ARHGEF12: variants seen among roughly 807,000 people sequenced by gnomAD.
The protein encoded by ARHGEF12 is KMT2A/ARHGEF12 fusion protein.
In ARHGEF12, 66 loss-of-function variants were observed where a neutral mutation model predicts 211.2. The observed-to-expected ratio is 0.31, with a 90% CI of 0.26 to 0.38. ARHGEF12 has a LOEUF of 0.38. Ranked by LOEUF, ARHGEF12 falls within the 10% of genes least tolerant of loss-of-function variation. ARHGEF12 has a pLI of 1.00. For synonymous variants in ARHGEF12, 592 were observed against 638.4 expected, an observed-to-expected ratio of 0.93 and a Z score of 1.09; for missense variants, 1,429 against 1,869.5, an observed-to-expected ratio of 0.76 and a Z score of 4.34.
chr11:120,343,719 G>C (rs1942607115), intron 1 of ARHGEF12, among the ~76,000 whole-genome samples: 1 of 152,174 alleles, frequency 6.6e-6, no homozygotes. Flanking sequence ...TGGACTGCAA[G>C]TAACAATTCA....
At chr11:120,430,844 T>G (rs1051464507) in intron 10 of ARHGEF12, among the ~76,000 whole-genome samples, 7 of 152,168 alleles carry the variant, frequency 4.6e-5, no homozygotes, top group Non-Finnish European at 1.0e-4. Flanking sequence ...GACATCCTGG[T>G]TTAGTGTACT....
intron 1 of ARHGEF12, among the ~76,000 whole-genome samples, chr11:120,361,279 G>C (rs1943267766): frequency 6.6e-6 from 1 of 152,234 alleles, no homozygotes; most frequent in Admixed American, 6.5e-5. Context: ...GGACGCATTA[G>C]ATTCTCATAG....
At chr11:120,481,708 A>G (rs1947242431) in intron 39 of ARHGEF12, 132 bp downstream of exon 39, 1 of 830,130 alleles carries the variant, frequency 1.2e-6, no homozygotes, top group Admixed American at 2.8e-5. Context: ...TTATCCATGA[A>G]TAGGCCTGGG....
chr11:120,451,322 G>A (rs975674897), intron 21 of ARHGEF12, 190 bp from the exon 22 acceptor site: 7 of 506,032 alleles, frequency 1.4e-5, no homozygotes, highest in Admixed American at 1.0e-4. Flanking sequence ...GGGATTACAG[G>A]CATGTGCCAC....
intron 1 of ARHGEF12, among the ~76,000 whole-genome samples, chr11:120,380,587 T>A (rs995295648): frequency 6.6e-6 from 1 of 152,204 alleles, no homozygotes; most frequent in African/African-American, 2.4e-5. Context: ...TTGGAAAGAA[T>A]CCTCTTTTCC....
At chr11:120,439,970 G>T in intron 12 of ARHGEF12, 159 bp from the exon 13 acceptor site, 1 of 579,458 alleles carries the variant, frequency 1.7e-6, no homozygotes, top group Non-Finnish European at 3.0e-6. Flanking sequence ...TTGAAAATTT[G>T]TGAACCCCTA....
chr11:120,431,055 C>T (rs867834804), intron 10 of ARHGEF12, among the ~76,000 whole-genome samples: 11 of 151,952 alleles, frequency 7.2e-5, no homozygotes, highest in African/African-American at 2.7e-4. Flanking sequence ...TTTGGGAGGC[C>T]GAGGCGGGCA....
At chr11:120,437,439 G>C in intron 12 of ARHGEF12, 57 bp downstream of exon 12, 3 of 1,357,496 alleles carry the variant, frequency 2.2e-6, no homozygotes, top group Non-Finnish European at 3.1e-6. Context: ...TATACTTAAA[G>C]TATGGTATAG....
chr11:120,476,355 G>A lies in ARHGEF12; in HGVS notation c.3278-306G>A, dbSNP rs192681567. The A allele has an allele frequency of 2.2e-4, 45 of 204,278 alleles. No homozygotes were observed. In the East Asian group the frequency reaches 4.5e-3, roughly 20 times the overall value. 12.7% of individuals were successfully genotyped at this position (204,278 alleles called of 1,614,324 possible). ...CCTAAAGTACTGGGATTACAGGTGT[G>A]AGCCACCGTGCCCGGCCAGTAATTT... On this transcript the variant is annotated intron_variant, in intron 33 of 40. Coordinates refer to ENST00000397843, the MANE Select transcript of ARHGEF12 (RefSeq NM_015313.3).
At position 120,477,305 on chromosome 11, in the gene ARHGEF12, A is replaced by G; in HGVS notation, c.3452A>G (p.Glu1151Gly). The change falls in exon 35 of 41, where the codon GAA (glutamate) becomes GGA (glycine). Residue 1151 changes from glutamate to glycine, a missense_variant and splice_region_variant. Glu to Gly is a moderately conservative substitution (Grantham distance 98). Transcript: ENST00000397843. ...CCATTACCACAGTCAACACCTGGCG[A>G]GTGAGTGTTCCTTTGCATTGTAGTA... is the stretch of plus-strand genomic sequence containing the variant. Reference protein sequence around the residue: ...PIPLPQSTPGEGDNDEEDPSK... With the variant: ...PIPLPQSTPGGGDNDEEDPSK... 6.2e-7 allele frequency: 1 copy of G among 1,613,684 alleles called. No homozygotes were observed. The highest frequency in any genetic ancestry group is 8.5e-7 in the Non-Finnish European group (1 of 1,179,852).
intron 1 of ARHGEF12, among the ~76,000 whole-genome samples, chr11:120,359,962 A>G (rs1943234976): frequency 1.3e-5 from 2 of 152,248 alleles, no homozygotes; most frequent in Admixed American, 1.3e-4. Context: ...GTGGGGAACC[A>G]GAGAAAGATT....
In ARHGEF12 at chr11:120,487,106, TAATC is replaced by T. The variant is rs1199553913; in HGVS notation, c.*2031_*2034del. The T allele has an allele frequency of 4.6e-6, 1 of 215,332 alleles. No homozygotes were observed. The highest frequency in any genetic ancestry group is 2.3e-5 in the African/African-American group (1 of 43,292). The allele number at this position is 215,332 out of a possible 1,614,324, so 13.3% of individuals were successfully genotyped here. ...TGACACTAACACCATCGAGGGCAAT[TAATC>T]AGGAGAAAAGTAAATATAAAAACTT... On this transcript the variant is annotated 3_prime_UTR_variant, in exon 41 of 41. Transcript: ENST00000397843.
In ARHGEF12 at chr11:120,449,381, C is replaced by G. The variant is rs151109098; in HGVS notation, c.1843+167C>G. 1,108 of 590,632 alleles carry G rather than the reference C, an allele frequency of 1.9e-3. 7 individuals carry two copies. The highest frequency in any genetic ancestry group is 0.015 in the African/African-American group (825 of 53,736). The allele number at this position is 590,632 out of a possible 1,614,324, so 36.6% of individuals were successfully genotyped here. On this transcript the variant is annotated intron_variant, in intron 21 of 40. Coordinates refer to ENST00000397843, the MANE Select transcript of ARHGEF12 (RefSeq NM_015313.3). ...AGCGTTATTTCTGAACTAAGTACCC[C>G]CTATGTTGCTACATAATTGTCATAA...
In ARHGEF12 at chr11:120,485,446, C is replaced by G. The variant is rs1947372657; in HGVS notation, c.*369C>G. ...TTTGACTTCATTCCGTATTTGAAAG[C>G]ACATTTTAATTTTTATTTGCCTTGT... On this transcript the variant is annotated 3_prime_UTR_variant, in exon 41 of 41. Transcript: ENST00000397843. 1 of 252,566 alleles carries G rather than the reference C, an allele frequency of 4.0e-6. No homozygotes were observed. Among genetic ancestry groups the G allele is most frequent in the Non-Finnish European group, 7.7e-6 (1 of 130,342 alleles). The allele number at this position is 252,566 out of a possible 1,614,324, so 15.6% of individuals were successfully genotyped here.
At chr11:120,424,477 A>G (rs1273385283) in intron 7 of ARHGEF12, 62 bp downstream of exon 7, 3 of 1,391,326 alleles carry the variant, frequency 2.2e-6, no homozygotes, top group Non-Finnish European at 3.1e-6. Flanking sequence ...AGGAGCAGCA[A>G]ATTTCCTGTA....
In ARHGEF12 at chr11:120,431,912, G is replaced by GT. The variant is rs1945552866; in HGVS notation, c.924+2dup. 6.3e-7 allele frequency: 1 copy of GT among 1,580,764 alleles called. No homozygotes were observed. The highest frequency in any genetic ancestry group is 8.6e-7 in the Non-Finnish European group (1 of 1,166,898). The stretch of plus-strand genomic sequence containing the variant: ...TCGGCCCAGTAGTGACAATGCAGAT[G>GT]TAAGCTTTCAGTTTTCTAAATCTTT... On this transcript the variant is annotated splice_donor_variant, in intron 11 of 40. Transcript: ENST00000397843. LOFTEE classifies it high-confidence loss of function.
Position 120,457,704 on chromosome 11 carries a change from A to G in ARHGEF12, c.2190-17A>G, listed in dbSNP as rs547633108. On this transcript the variant is annotated splice_polypyrimidine_tract_variant and intron_variant, in intron 23 of 40. Transcript: ENST00000397843. ...CCATTTTGTTTTCATGTTACTCTTT[A>G]CTTTCCATTGTTTTAGGGTGACTGA... 5.7e-6 allele frequency: 9 copies of G among 1,584,870 alleles called. No homozygotes were observed. The Admixed American group carries it at 8.7e-5, about 15-fold the overall frequency.
At chr11:120,361,461 A>G (rs926793046) in intron 1 of ARHGEF12, among the ~76,000 whole-genome samples, 13 of 152,218 alleles carry the variant, frequency 8.5e-5, no homozygotes, top group Admixed American at 2.6e-4. Flanking sequence ...CCCTGGTGCC[A>G]AAAAGGTTGG....
At chr11:120,354,980 A>G (rs1009671718) in intron 1 of ARHGEF12, among the ~76,000 whole-genome samples, 2 of 152,202 alleles carry the variant, frequency 1.3e-5, no homozygotes, top group African/African-American at 2.4e-5. Flanking sequence ...TTTTGCATAA[A>G]TATTTACCAT....
Sources: gnomAD v4.1 joint callset for allele counts (sites outside exome capture counted in the v4.1 genomes callset) on GRCh38, gnomAD v4.1.1 for gene constraint, MANE v1.5 for transcripts, NCBI Gene and HGNC (gene_info 2026-07-23, HGNC 2026-07-21) for gene names.